NSD1: variants seen among roughly 807,000 people sequenced by gnomAD.
NSD1 encodes histone-lysine N-methyltransferase, H3 lysine-36 specific.
NSD1 carries 26 observed loss-of-function variants against 242.7 expected under a neutral mutation model. The ratio of observed to expected loss-of-function variants is 0.11; its 90% CI spans 0.08 to 0.15. The LOEUF is 0.15. NSD1 is among the 10% of genes least tolerant of loss of function. The pLI is 1.00. For missense variants in NSD1, 2,495 were observed against 3,272.8 expected (o/e 0.76, Z 5.80); for synonymous variants, 1,106 against 1,178.1 (o/e 0.94, Z 1.25).
Position 177,239,889 on chromosome 5 carries a change from A to G in NSD1, c.4302+24A>G, listed in dbSNP as rs779609274. ...AGGTATGTTATTTTTGTAAGTTCTA[A>G]AAGAAATAAACTCAGGAAATGAGAA... On this transcript the variant is annotated intron_variant, in intron 8 of 22. Transcript: ENST00000439151. 4 of 1,417,004 alleles carry G rather than the reference A, an allele frequency of 2.8e-6. No homozygotes were observed. The African/African-American group carries it at 4.2e-5, about 15-fold the overall frequency. 87.8% of individuals were successfully genotyped at this position (1,417,004 alleles called of 1,614,324 possible). A position where few individuals can be genotyped will look rare whatever the true frequency, so the allele number is the denominator to read the frequency against.
In NSD1 at chr5:177,238,048, T is replaced by C. The variant is rs80095008; in HGVS notation, c.3922-189T>C. On this transcript the variant is annotated intron_variant, in intron 6 of 22. Transcript: ENST00000439151. The surrounding 1 kb of genome is among the most constrained non-coding windows in gnomAD (Gnocchi z 4.6). Reference sequence around the variant, plus strand: ...TTCTTATTCTAGATACCTCATATACTTGAAATCATACGATATTTGTTCTTT... The same window carrying C: ...TTCTTATTCTAGATACCTCATATACCTGAAATCATACGATATTTGTTCTTT... 2.2e-3 allele frequency among the ~76,000 whole-genome samples: 339 copies of C among 152,272 alleles called. 2 individuals carry two copies. Among genetic ancestry groups the C allele is most frequent in the African/African-American group, 7.8e-3 (326 of 41,558 alleles).
chr5:177,252,092 G>A (rs909690677), intron 12 of NSD1, among the ~76,000 whole-genome samples: 1 of 152,190 alleles, frequency 6.6e-6, no homozygotes, highest in African/African-American at 2.4e-5. Flanking sequence ...TGTAAGCAAA[G>A]ATGAGCTGAT....
intron 2 of NSD1, among the ~76,000 whole-genome samples, chr5:177,143,495 T>C (rs1034701022): frequency 6.6e-6 from 1 of 152,042 alleles, no homozygotes. Context: ...CTAATTTTTG[T>C]ATTTTTAGAA....
intron 8 of NSD1, among the ~76,000 whole-genome samples, chr5:177,242,369 T>C (rs1765940539): frequency 6.6e-6 from 1 of 152,162 alleles, no homozygotes; most frequent in Non-Finnish European, 1.5e-5. Flanking sequence ...TTACTTGAAA[T>C]AGACTTCTGA....
At position 177,135,612 on chromosome 5, in the gene NSD1, C is replaced by T; in HGVS notation, c.509C>T (p.Pro170Leu). 7 of 1,614,144 alleles carry T rather than the reference C, an allele frequency of 4.3e-6. No homozygotes were observed. Among genetic ancestry groups the T allele is most frequent in the Non-Finnish European group, 5.9e-6 (7 of 1,180,040 alleles). The change falls in exon 2 of 23, where the codon CCA becomes CTA. Residue 170 changes from proline (P) to leucine (L), a missense_variant. Around this residue, in one of 19 missense-constraint regions of NSD1, gnomAD observed 376 missense variants for 367.4 expected, o/e 1.02. Coordinates refer to ENST00000439151, the MANE Select transcript of NSD1 (RefSeq NM_022455.5). ...DDADVDSEMD[P>L]EQPVTEDESI... ...GCAGATGTAGATTCTGAAATGGACCCAGAACAGCCAGTCACAGAGGATGAG... is the reference window on the plus strand; with the variant it reads ...GCAGATGTAGATTCTGAAATGGACCTAGAACAGCCAGTCACAGAGGATGAG...
intron 13 of NSD1, 116 bp downstream of exon 13, chr5:177,257,267 G>A: frequency 1.1e-6 from 1 of 901,216 alleles, no homozygotes; most frequent in Non-Finnish European, 1.7e-6. Context: ...GTCTCGCTGT[G>A]TTGCCGAGGC....
intron 3 of NSD1, among the ~76,000 whole-genome samples, chr5:177,200,332 C>T (rs1245391133): frequency 1.3e-5 from 2 of 152,064 alleles, no homozygotes; most frequent in Non-Finnish European, 2.9e-5. Context: ...CGTTCTTGAA[C>T]TCCTGACCTT....
chr5:177,207,950 G>T (rs1427741618), intron 4 of NSD1, among the ~76,000 whole-genome samples: 1 of 151,426 alleles, frequency 6.6e-6, no homozygotes, highest in Non-Finnish European at 1.5e-5. Context: ...TTTTAGTAGA[G>T]ACAGGGTCTG....
chr5:177,271,495 T>C (rs1169656752), intron 16 of NSD1, among the ~76,000 whole-genome samples: 1 of 152,232 alleles, frequency 6.6e-6, no homozygotes, highest in Non-Finnish European at 1.5e-5. Context: ...CAGTAAGTGA[T>C]AGAGGAATGT....
At position 177,267,569 on chromosome 5, in the gene NSD1, C is replaced by A. The variant is rs1043343803; in HGVS notation, c.5154C>A (p.Ser1718Arg). Residue 1718 changes from serine (S) to arginine (R), a missense_variant, in exon 15 of 23, where the codon AGC (serine) becomes AGA (arginine). Transcript: ENST00000439151. ...SWCFVCSEGG[S>R]LLCCDSCPAA... ...ATTTTTTTATTCCCACAGGAGGCAG[C>A]CTTCTGTGCTGTGATTCTTGCCCTG... 6.2e-7 allele frequency: 1 copy of A among 1,614,024 alleles called. No individual in the cohort carries two copies. Among genetic ancestry groups the A allele is most frequent in the Admixed American group, 1.7e-5 (1 of 60,018 alleles).
intron 2 of NSD1, among the ~76,000 whole-genome samples, chr5:177,163,587 G>A (rs779869540): frequency 2.0e-5 from 3 of 152,096 alleles, no homozygotes; most frequent in Non-Finnish European, 4.4e-5. Flanking sequence ...AATCTATAAG[G>A]TGTTTTGAAA....
chr5:177,155,404 A>G (rs772381580), intron 2 of NSD1, among the ~76,000 whole-genome samples: 21 of 152,046 alleles, frequency 1.4e-4, no homozygotes, highest in Non-Finnish European at 1.9e-4. Context: ...CTGGGATAAC[A>G]GGAGTGAGCC....
intron 10 of NSD1, among the ~76,000 whole-genome samples, chr5:177,247,369 G>T (rs1766382616): frequency 6.6e-6 from 1 of 152,196 alleles, no homozygotes; most frequent in South Asian, 2.1e-4. Context: ...AGAGGTTGTA[G>T]TGAGCCGAAA....
At position 177,135,096 on chromosome 5, in the gene NSD1, G is replaced by A. The variant is rs199639292; in HGVS notation, c.-8G>A. ...TGCTTTTGGATTCCAGGTTGATGCC[G>A]GCCCAGGATGGATCAGACCTGTGAA... On this transcript the variant is annotated 5_prime_UTR_variant, in exon 2 of 23. Transcript: ENST00000439151. The A allele has an allele frequency of 2.4e-3, 3,817 of 1,613,958 alleles. 95 individuals carry two copies. The South Asian group carries it at 0.038, about 16-fold the overall frequency.
chr5:177,294,249 A>G lies in NSD1; in HGVS notation c.6881A>G (p.Asp2294Gly). The change falls in exon 23 of 23, where the codon GAT becomes GGT. Residue 2294 changes from aspartate (D) to glycine (G), a missense_variant. This residue lies in a region of NSD1 where 475 missense variants were observed against 563.7 expected (regional missense o/e 0.84). Coordinates refer to ENST00000439151, the MANE Select transcript of NSD1 (RefSeq NM_022455.5). ...ACTGACTCCAGGCCCCAGCCTTTAG[A>G]TAAGGTCAGAGACCTCGCTGGGTCA... ...ERTDSRPQPL[D>G]KVRDLAGSGT... is the part of the protein sequence containing the mutation. 6.2e-7 allele frequency: 1 copy of G among 1,613,484 alleles called. No homozygotes were observed. The highest frequency in any genetic ancestry group is 8.5e-7 in the Non-Finnish European group (1 of 1,179,504).
At chr5:177,268,706 TGA>T (rs1757717569) in intron 15 of NSD1, among the ~76,000 whole-genome samples, 1 of 152,100 alleles carries the variant, frequency 6.6e-6, no homozygotes, top group Admixed American at 6.6e-5. Context: ...CGCCCTTCTG[TGA>T]GAGTTTGTTT....
chr5:177,212,624 C>T (rs1398137804), intron 5 of NSD1, among the ~76,000 whole-genome samples: 1 of 151,720 alleles, frequency 6.6e-6, no homozygotes, highest in Non-Finnish European at 1.5e-5. Flanking sequence ...CTTGCCTGAC[C>T]TGTTCCCCGT....
At chr5:177,216,486 G>T (rs987314986) in intron 5 of NSD1, among the ~76,000 whole-genome samples, 7 of 151,918 alleles carry the variant, frequency 4.6e-5, no homozygotes, top group Admixed American at 4.6e-4. Flanking sequence ...TTAGGTCTTT[G>T]ATCTATTTTA....
rs1001657669 is a variant in NSD1, at chr5:177,211,859, G to A, written c.3460G>A (p.Val1154Met). The change falls in exon 5 of 23, where the codon GTG (valine) becomes ATG (methionine). Residue 1154 changes from valine to methionine, a missense_variant. Physicochemically the swap from Val to Met is conservative, Grantham distance 21. Coordinates refer to ENST00000439151, the MANE Select transcript of NSD1 (RefSeq NM_022455.5). ...TGATGAACTCAATGGTGTAAATCAA[G>A]TGGTGCCTAAAAAGCGGTGGCAGCG... Reference protein sequence around the residue: ...ENDELNGVNQVVPKKRWQRLN... With the variant: ...ENDELNGVNQMVPKKRWQRLN... 1.5e-5 allele frequency: 25 copies of A among 1,613,298 alleles called. No individual in the cohort carries two copies. Among genetic ancestry groups the A allele is most frequent in the Non-Finnish European group, 2.1e-5 (25 of 1,179,602 alleles).
Sources: gnomAD v4.1 joint callset for allele counts (sites outside exome capture counted in the v4.1 genomes callset) on GRCh38, gnomAD v4.1.1 for gene constraint, gnomAD v4.1.1 regional missense constraint, Gnocchi (gnomAD v3.1) non-coding constraint, MANE v1.5 for transcripts, NCBI Gene and HGNC (gene_info 2026-07-23, HGNC 2026-07-21) for gene names.